Variants in ADGRA3 observed in about 807,000 individuals in gnomAD.
ADGRA3 encodes adhesion G protein-coupled receptor A3.
Under a neutral mutation model 119.8 loss-of-function variants are expected in ADGRA3, and 56 were observed. The observed-to-expected ratio is 0.47, with a 90% CI of 0.38 to 0.58. The LOEUF (loss-of-function observed/expected upper bound fraction) is 0.58. Ranked by LOEUF, ADGRA3 falls within the 20% of genes least tolerant of loss-of-function variation. The pLI, the probability that ADGRA3 is intolerant of heterozygous loss-of-function variation, is 0.00. For missense variants in ADGRA3, 1,516 were observed against 1,649.0 expected, an observed-to-expected ratio of 0.92 and a Z score of 1.40; for synonymous variants, 607 against 623.8, an observed-to-expected ratio of 0.97 and a Z score of 0.40.
chr4:22,436,393 C>T, intron 9 of ADGRA3, 47 bp downstream of exon 9: 1 of 1,439,894 alleles, frequency 6.9e-7, no homozygotes, highest in Non-Finnish European at 9.7e-7. Context: ...GGTTTGAATA[C>T]CATGTTTTCT....
Position 22,515,807 on chromosome 4 carries a change from G to A in ADGRA3, c.-23C>T, listed in dbSNP as rs755909980. 6.1e-4 allele frequency: 608 copies of A among 990,208 alleles called. No individual in the cohort carries two copies. The Middle Eastern group carries it at 0.015, about 24-fold the overall frequency. The allele number at this position is 990,208 out of a possible 1,614,324, so 61.3% of individuals were successfully genotyped here. ...CATGCTGCGGGCCGGGGCCTGCGGG[G>A]CGAGCGGCGGCGCACTGGCCTAGCG... is the stretch of plus-strand genomic sequence containing the variant. On this transcript the variant is annotated 5_prime_UTR_variant, in exon 1 of 19. Coordinates refer to ENST00000334304, the MANE Select transcript of ADGRA3 (RefSeq NM_145290.4).
At chr4:22,428,721 G>A (rs182370023) in intron 10 of ADGRA3, among the ~76,000 whole-genome samples, 4 of 152,288 alleles carry the variant, frequency 2.6e-5, no homozygotes, top group African/African-American at 9.6e-5. Context: ...TGGAACTGCT[G>A]CATTCTGAAA....
chr4:22,388,614 C>A lies in ADGRA3; in HGVS notation c.3057G>T (p.Leu1019Phe). The change falls in exon 19 of 19, where the codon TTG becomes TTT. Residue 1019 changes from leucine (L) to phenylalanine (F), a missense_variant. Coordinates refer to ENST00000334304, the MANE Select transcript of ADGRA3 (RefSeq NM_145290.4). Reference protein sequence around the residue: ...LWMFGALAVSLYYPLDLVFSF... With the variant: ...LWMFGALAVSFYYPLDLVFSF... ...TAAAAACCAAGTCCAAAGGGTAATA[C>A]AAAGAAACAGCCAAAGCCCCAAACA... 3 of 1,614,020 alleles carry A rather than the reference C, an allele frequency of 1.9e-6. No homozygotes were observed. Among genetic ancestry groups the A allele is most frequent in the Non-Finnish European group, 2.5e-6 (3 of 1,179,996 alleles).
At chr4:22,480,860 G>C (rs955646286) in intron 1 of ADGRA3, among the ~76,000 whole-genome samples, 5 of 152,084 alleles carry the variant, frequency 3.3e-5, no homozygotes, top group Non-Finnish European at 5.9e-5. Context: ...CACACAGAAA[G>C]ATCAAGGCAT....
At chr4:22,470,113 A>T (rs2109115427) in intron 2 of ADGRA3, among the ~76,000 whole-genome samples, 1 of 152,318 alleles carries the variant, frequency 6.6e-6, no homozygotes, top group East Asian at 1.9e-4. Flanking sequence ...CTTGCACCAA[A>T]CCTTCATATT....
intron 1 of ADGRA3, among the ~76,000 whole-genome samples, chr4:22,508,409 C>T (rs1479656844): frequency 6.6e-6 from 1 of 152,176 alleles, no homozygotes; most frequent in Non-Finnish European, 1.5e-5. Context: ...AAGACTGACC[C>T]TTGGATGAAA....
At chr4:22,452,299 T>C (rs1717073920) in intron 4 of ADGRA3, among the ~76,000 whole-genome samples, 1 of 152,140 alleles carries the variant, frequency 6.6e-6, no homozygotes, top group Admixed American at 6.5e-5. Context: ...ATGGGTATAA[T>C]GTACATGATT....
At chr4:22,437,766 G>A (rs1419604092) in intron 8 of ADGRA3, among the ~76,000 whole-genome samples, 2 of 152,092 alleles carry the variant, frequency 1.3e-5, no homozygotes, top group Non-Finnish European at 2.9e-5. Context: ...AGTCCTTCTT[G>A]CTTGATTTCC....
chr4:22,431,600 T>G (rs1467945104), intron 10 of ADGRA3, among the ~76,000 whole-genome samples: 1 of 152,196 alleles, frequency 6.6e-6, no homozygotes, highest in Non-Finnish European at 1.5e-5. Context: ...ATTCTCTCTT[T>G]GCCTGCTGCC....
At chr4:22,395,778 A>G (rs1021912762) in intron 16 of ADGRA3, among the ~76,000 whole-genome samples, 3 of 152,198 alleles carry the variant, frequency 2.0e-5, no homozygotes, top group African/African-American at 7.2e-5. Context: ...TTCAGTTTAT[A>G]TAGTTATAAA....
chr4:22,441,759 G>A (rs1716624539), intron 7 of ADGRA3, among the ~76,000 whole-genome samples: 1 of 152,120 alleles, frequency 6.6e-6, no homozygotes, highest in South Asian at 2.1e-4. Flanking sequence ...GAATTAGCAG[G>A]AAAGGATTTA....
intron 12 of ADGRA3, chr4:22,414,732 C>T: frequency 1.7e-6 from 1 of 588,784 alleles, no homozygotes; most frequent in Non-Finnish European, 3.0e-6. Flanking sequence ...TCAGATGTAT[C>T]CCCTGAATGC....
At position 22,444,972 on chromosome 4, in the gene ADGRA3, C is replaced by T; in HGVS notation, c.706+1G>A. On this transcript the variant is annotated splice_donor_variant, in intron 6 of 18. Transcript: ENST00000334304. LOFTEE classifies it high-confidence loss of function. ...TTTCTCAGTTTGGATTTCTCCCTTA[C>T]CGCATGTCAACAGCTCCTGCTTCAC... 1 of 1,612,702 alleles carries T rather than the reference C, an allele frequency of 6.2e-7. No homozygotes were observed. Among genetic ancestry groups the T allele is most frequent in the East Asian group, 2.2e-5 (1 of 44,866 alleles).
At chr4:22,495,992 A>G (rs545449175) in intron 1 of ADGRA3, among the ~76,000 whole-genome samples, 1 of 152,304 alleles carries the variant, frequency 6.6e-6, no homozygotes, top group Non-Finnish European at 1.5e-5. Flanking sequence ...CTAATAATAT[A>G]ATTGATTTAG....
chr4:22,515,695 G>A lies in ADGRA3; in HGVS notation c.90C>T (p.Gly30=). 1.8e-6 allele frequency: 2 copies of A among 1,088,704 alleles called. No individual in the cohort carries two copies. Among genetic ancestry groups the A allele is most frequent in the Non-Finnish European group, 2.2e-6 (2 of 900,710 alleles). 67.4% of individuals were successfully genotyped at this position (1,088,704 alleles called of 1,614,324 possible). A position where few individuals can be genotyped will look rare whatever the true frequency, so the allele number is the denominator to read the frequency against. Residue 30 remains glycine (G), a synonymous_variant, in exon 1 of 19, where the codon GGC becomes GGT. Transcript: ENST00000334304. The part of the protein sequence containing the change: ...SLLALLALLG[G]GGGGGAAALP... ...GCGCCGCGGCGCCGCCGCCGCCGCC[G>A]CCTCCCAGCAGCGCGAGCAGCGCTA...
chr4:22,410,250 T>C (rs1022163992), intron 14 of ADGRA3, among the ~76,000 whole-genome samples: 3 of 152,212 alleles, frequency 2.0e-5, no homozygotes, highest in Non-Finnish European at 2.9e-5. Context: ...TATTAAGCAC[T>C]ACATAGTTTG....
At chr4:22,496,083 C>CCT (rs1455903462) in intron 1 of ADGRA3, among the ~76,000 whole-genome samples, 5 of 152,096 alleles carry the variant, frequency 3.3e-5, no homozygotes, top group African/African-American at 1.2e-4. Flanking sequence ...ATATACATCA[C>CCT]CTTCTTGCCA....
chr4:22,509,877 G>A (rs1257401783), intron 1 of ADGRA3, among the ~76,000 whole-genome samples: 1 of 151,898 alleles, frequency 6.6e-6, no homozygotes, highest in African/African-American at 2.4e-5. Context: ...CGGCGTGGTA[G>A]CGGGCGCCTG....
chr4:22,441,108 T>A (rs150505842), intron 7 of ADGRA3, among the ~76,000 whole-genome samples: 1 of 152,152 alleles, frequency 6.6e-6, no homozygotes, highest in African/African-American at 2.4e-5. Context: ...GATTTTTTTT[T>A]AATGGCTTTT....
Sources: allele counts gnomAD v4.1 joint callset (sites outside exome capture counted in the v4.1 genomes callset), GRCh38; gene constraint gnomAD v4.1.1; transcripts MANE v1.5; gene names NCBI Gene and HGNC (gene_info 2026-07-23, HGNC 2026-07-21).